The following STAU2 variants were observed in gnomAD, a reference collection of about 807,000 sequenced individuals.
STAU2 encodes the protein double-stranded RNA-binding protein Staufen homolog 2.
Under a neutral mutation model 65.9 loss-of-function variants are expected in STAU2, and 20 were observed. That is an observed-to-expected ratio of 0.30 (90% CI 0.21 to 0.44). STAU2 has a LOEUF of 0.44. Among genes scored for constraint, STAU2 ranks in the 20% least tolerant of loss-of-function variants. STAU2 has a pLI of 1.00. For missense variants in STAU2, 558 were observed against 683.9 expected, an observed-to-expected ratio of 0.82 and a Z score of 2.05; for synonymous variants, 232 against 233.9, an observed-to-expected ratio of 0.99 and a Z score of 0.07.
intron 4 of STAU2, among the ~76,000 whole-genome samples, chr8:73,698,559 A>T (rs1819846435): frequency 6.6e-6 from 1 of 152,188 alleles, no homozygotes; most frequent in African/African-American, 2.4e-5. Flanking sequence ...AGAGACAAAA[A>T]AGGTCATTAT....
intron 3 of STAU2, among the ~76,000 whole-genome samples, chr8:73,737,572 T>C (rs1299994330): frequency 6.6e-6 from 1 of 151,574 alleles, no homozygotes; most frequent in African/African-American, 2.4e-5. Context: ...TTCCTTTTTT[T>C]TTTTTTTGTT....
chr8:73,616,915 C>G (rs1812868314), intron 7 of STAU2, among the ~76,000 whole-genome samples: 1 of 152,138 alleles, frequency 6.6e-6, no homozygotes, highest in African/African-American at 2.4e-5. Context: ...TACTTAAGAA[C>G]AGCCTCAATG....
chr8:73,626,612 T>C (rs1209991322), intron 6 of STAU2, among the ~76,000 whole-genome samples: 6 of 152,182 alleles, frequency 3.9e-5, no homozygotes, highest in South Asian at 2.1e-4. Context: ...AAATATAGGA[T>C]TGCAGGCAGT....
intron 9 of STAU2, among the ~76,000 whole-genome samples, chr8:73,609,766 G>A (rs16938702): frequency 0.011 from 1,673 of 150,834 alleles, 31 homozygotes; most frequent in African/African-American, 0.039. Flanking sequence ...AAAAGGTAAA[G>A]AGAAGCTCTG....
chr8:73,619,109 A>G (rs1813045701), intron 6 of STAU2, among the ~76,000 whole-genome samples: 1 of 152,206 alleles, frequency 6.6e-6, no homozygotes, highest in South Asian at 2.1e-4. Flanking sequence ...TTTGGGAATC[A>G]TCAGTATATA....
At position 73,644,988 on chromosome 8, in the gene STAU2, G is replaced by A. The variant is rs542091078; in HGVS notation, c.411-27537C>T. Among the ~76,000 whole-genome samples, 18 of 152,192 alleles carry A rather than the reference G, an allele frequency of 1.2e-4. No individual in the cohort carries two copies. The South Asian group carries it at 3.7e-3, about 32-fold the overall frequency. On this transcript the variant is annotated intron_variant, in intron 6 of 14. Transcript: ENST00000524300. ...AATCTCCAGTTGTGGGTGTTTTCAG[G>A]AAGAATTCTGCCAAACTTTTAAAGA...
At chr8:73,527,347 C>A (rs929528274) in intron 13 of STAU2, 7 of 189,680 alleles carry the variant, frequency 3.7e-5, no homozygotes, top group Non-Finnish European at 6.7e-5. Flanking sequence ...AATGAGTATA[C>A]TACAGCGAGA....
rs142043134 is a variant in STAU2, at chr8:73,646,938, G to GACACACAC, written c.410+26161_410+26168dup. ...ATATTTCACCAAAGACACACAGCCAGACACACACACACACACACACACACA... is the reference window on the plus strand; with the variant it reads ...ATATTTCACCAAAGACACACAGCCAGACACACACACACACACACACACACACACACACA... On this transcript the variant is annotated intron_variant, in intron 6 of 14. Transcript: ENST00000524300. 5.6e-3 allele frequency among the ~76,000 whole-genome samples: 807 copies of GACACACAC among 144,058 alleles called. 5 individuals carry two copies. Among genetic ancestry groups the GACACACAC allele is most frequent in the South Asian group, 0.018 (81 of 4,394 alleles). The allele number at this position is 144,058 out of a possible 152,430, so 94.5% of individuals were successfully genotyped here.
intron 13 of STAU2, among the ~76,000 whole-genome samples, chr8:73,473,823 C>A (rs953108538): frequency 1.3e-5 from 2 of 152,172 alleles, no homozygotes; most frequent in Non-Finnish European, 2.9e-5. Context: ...AGACCCACCT[C>A]ACCCTCATGC....
chr8:73,617,334 G>A lies in STAU2; in HGVS notation c.528C>T (p.Leu176=). Residue 176 remains leucine (L), a synonymous_variant, in exon 7 of 15, where the codon CTC becomes CTT. Coordinates refer to ENST00000524300, the MANE Select transcript of STAU2 (RefSeq NM_001164380.2). The part of the protein sequence containing the change: ...AARHNAAMKA[L]QALQNEPIPE... ...GAATAGGTTCATTCTGCAGTGCTTG[G>A]AGGGCTTTCATTGCAGCATTGTGTC... The A allele has an allele frequency of 6.2e-7, 1 of 1,614,082 alleles. No individual in the cohort carries two copies. Among genetic ancestry groups the A allele is most frequent in the South Asian group, 1.1e-5 (1 of 91,086 alleles).
chr8:73,446,202 T>C (rs971617678), intron 13 of STAU2, among the ~76,000 whole-genome samples: 4 of 152,226 alleles, frequency 2.6e-5, no homozygotes, highest in Admixed American at 2.6e-4. Flanking sequence ...GTCATGTTAT[T>C]ATGATTCCAT....
At chr8:73,674,417 T>C (rs935732727) in intron 5 of STAU2, among the ~76,000 whole-genome samples, 3 of 151,854 alleles carry the variant, frequency 2.0e-5, no homozygotes, top group Admixed American at 6.6e-5. Context: ...AGTAATCACA[T>C]TGTTAGTAAC....
rs542362179 is a variant in STAU2 at position 73,711,892 on chromosome 8, ATAAT to A, written c.-17-2734_-17-2731del. On this transcript the variant is annotated intron_variant, in intron 3 of 14. Transcript: ENST00000524300. ...ATGTTTAAAGTTGATAACTTAGGAAATAATTAGTCATAGTTGTTTTATTTTAAAA... is the reference window on the plus strand; with the variant it reads ...ATGTTTAAAGTTGATAACTTAGGAAATAGTCATAGTTGTTTTATTTTAAAA... Among the ~76,000 whole-genome samples the A allele has an allele frequency of 8.5e-5, 13 of 152,294 alleles. No homozygotes were observed. The East Asian group carries it at 1.5e-3, about 18-fold the overall frequency.
At chr8:73,715,313 A>C (rs1041196169) in intron 3 of STAU2, among the ~76,000 whole-genome samples, 13 of 151,862 alleles carry the variant, frequency 8.6e-5, no homozygotes, top group African/African-American at 3.1e-4. Flanking sequence ...AAAATCAGCC[A>C]GGCATGGTGG....
At chr8:73,680,430 A>G (rs1230486204) in intron 5 of STAU2, among the ~76,000 whole-genome samples, 1 of 152,168 alleles carries the variant, frequency 6.6e-6, no homozygotes, top group East Asian at 1.9e-4. Flanking sequence ...GGAGAGAACC[A>G]CATCAAGGGA....
At chr8:73,746,879 T>TC, upstream of STAU2, 8 of 1,162,632 alleles carry the variant, frequency 6.9e-6, no homozygotes, top group Non-Finnish European at 8.5e-6. Context: ...CCCCTCGGGC[T>TC]CCCCGCCCCC....
chr8:73,723,091 C>T (rs1821796354), intron 3 of STAU2, among the ~76,000 whole-genome samples: 2 of 151,826 alleles, frequency 1.3e-5, no homozygotes, highest in South Asian at 2.1e-4. Flanking sequence ...CACTAGAGTG[C>T]GTGCGTGCCC....
intron 13 of STAU2, chr8:73,458,554 C>T (rs1180365852): frequency 1.3e-5 from 2 of 152,114 alleles, no homozygotes; most frequent in African/African-American, 4.8e-5. Context: ...CAACAAAAAT[C>T]ACCCAAAAGT....
intron 13 of STAU2, among the ~76,000 whole-genome samples, chr8:73,452,147 T>C (rs1818833433): frequency 6.6e-6 from 1 of 152,182 alleles, no homozygotes; most frequent in African/African-American, 2.4e-5. Flanking sequence ...CTTTCTAGTA[T>C]TTCAGGTTCC....
Sources: gnomAD v4.1 joint callset for allele counts (sites outside exome capture counted in the v4.1 genomes callset) on GRCh38, gnomAD v4.1.1 for gene constraint, MANE v1.5 for transcripts, NCBI Gene and HGNC (gene_info 2026-07-23, HGNC 2026-07-21) for gene names.